The following ADCY10 variants were observed in gnomAD, a reference collection of about 807,000 sequenced individuals.
ADCY10 encodes adenylate cyclase 10.
Under a neutral mutation model 183.3 loss-of-function variants are expected in ADCY10, and 156 were observed. That is an observed-to-expected ratio of 0.85 (90% CI 0.75 to 0.97). The LOEUF is 0.97. ADCY10 is among the 50% of genes least tolerant of loss of function. The pLI is 0.00. For missense variants in ADCY10, 1,745 were observed against 1,934.3 expected, an observed-to-expected ratio of 0.90 and a Z score of 1.84; for synonymous variants, 645 against 670.0, an observed-to-expected ratio of 0.96 and a Z score of 0.58.
At chr1:167,815,157 A>C (rs998379848) in intron 31 of ADCY10, among the ~76,000 whole-genome samples, 2 of 152,010 alleles carry the variant, frequency 1.3e-5, no homozygotes, top group Non-Finnish European at 2.9e-5. Context: ...TAGACAAAAA[A>C]AAACCCCAAA....
At chr1:167,903,604 T>C (rs1669591707) in intron 3 of ADCY10, among the ~76,000 whole-genome samples, 1 of 152,176 alleles carries the variant, frequency 6.6e-6, no homozygotes. Flanking sequence ...CTTGGATATA[T>C]AACTAAAAGT....
chr1:167,901,597 A>G (rs1669426221), intron 5 of ADCY10, 65 bp downstream of exon 5: 1 of 1,501,288 alleles, frequency 6.7e-7, no homozygotes, highest in African/African-American at 1.4e-5. Flanking sequence ...TGGGAGAGAG[A>G]GATGCCCCAG....
intron 8 of ADCY10, 133 bp downstream of exon 8, chr1:167,893,720 G>T: frequency 5.2e-6 from 2 of 386,576 alleles, no homozygotes; most frequent in Non-Finnish European, 9.4e-6. Flanking sequence ...AAAAAAAAAA[G>T]GAAGTCTTTT....
At chr1:167,843,689 C>T (rs1664813498) in intron 21 of ADCY10, among the ~76,000 whole-genome samples, 1 of 152,152 alleles carries the variant, frequency 6.6e-6, no homozygotes, top group African/African-American at 2.4e-5. Flanking sequence ...ATGAGAAACC[C>T]TCACACATCC....
intron 16 of ADCY10, among the ~76,000 whole-genome samples, chr1:167,858,324 C>T (rs1247326737): frequency 6.6e-6 from 1 of 151,568 alleles, no homozygotes; most frequent in African/African-American, 2.4e-5. Flanking sequence ...ATACTGAAAC[C>T]CCATTTCTAC....
chr1:167,864,524 G>C (rs1006827558), intron 14 of ADCY10, among the ~76,000 whole-genome samples: 6 of 151,820 alleles, frequency 4.0e-5, no homozygotes, highest in South Asian at 2.1e-4. Context: ...GACCCCCTTC[G>C]CCCCCACAGT....
In ADCY10 at chr1:167,910,746, G is replaced by C. The variant is rs375530568; in HGVS notation, c.-59+3230C>G. On this transcript the variant is annotated intron_variant, in intron 1 of 32. Transcript: ENST00000367851. ...TCCACAGATGTGCTGAGTAGCCAGAGAACTAAGATAGGACTGAGCAGAACT... is the reference window on the plus strand; with the variant it reads ...TCCACAGATGTGCTGAGTAGCCAGACAACTAAGATAGGACTGAGCAGAACT... 7.7e-4 allele frequency among the ~76,000 whole-genome samples: 117 copies of C among 152,284 alleles called. 1 individual carries two copies. In the South Asian group the frequency reaches 0.022, roughly 29 times the overall value.
In ADCY10 at chr1:167,822,125, T is replaced by C; in HGVS notation, c.4185A>G (p.Thr1395=). ...GTATGAATTCCAAACATTCTTCAAA[T>C]GTTCTATAAACAAAACCTAAGAGAG... The part of the protein sequence containing the change: ...ILLYSGFVYR[T]FEECLEFIHQ... Residue 1395 remains threonine (T), a synonymous_variant, in exon 30 of 33, where the codon ACA becomes ACG. Transcript: ENST00000367851. The C allele has an allele frequency of 6.3e-7, 1 of 1,598,380 alleles. No homozygotes were observed. The highest frequency in any genetic ancestry group is 8.6e-7 in the Non-Finnish European group (1 of 1,165,556).
intron 14 of ADCY10, among the ~76,000 whole-genome samples, 187 bp downstream of exon 14, chr1:167,870,070 G>A (rs575360817): frequency 6.6e-6 from 1 of 152,270 alleles, no homozygotes; most frequent in Non-Finnish European, 1.5e-5. Flanking sequence ...CCATGGGTCA[G>A]CCCAGTTTCT....
At position 167,846,175 on chromosome 1, in the gene ADCY10, A is replaced by C; in HGVS notation, c.2526T>G (p.Thr842=). ...AGGGGAGAATCTCAAACAACAACTC[A>C]GTGGTGAAGGTCAGGCCAATGATGG... The part of the protein sequence containing the change: ...CAAIIGLTFT[T]ELLFEILPCW... Residue 842 remains threonine (T), a synonymous_variant, in exon 20 of 33, where the codon ACT becomes ACG. Coordinates refer to ENST00000367851, the MANE Select transcript of ADCY10 (RefSeq NM_018417.6). The C allele has an allele frequency of 1.9e-6, 3 of 1,614,178 alleles. No individual in the cohort carries two copies. The highest frequency in any genetic ancestry group is 2.5e-6 in the Non-Finnish European group (3 of 1,180,034).
At chr1:167,857,117 T>C (rs1449746247) in intron 16 of ADCY10, among the ~76,000 whole-genome samples, 1 of 152,224 alleles carries the variant, frequency 6.6e-6, no homozygotes, top group African/African-American at 2.4e-5. Context: ...ATACGGAGCC[T>C]ACATTTTAGC....
chr1:167,812,007 G>A (rs190410193), intron 31 of ADCY10, among the ~76,000 whole-genome samples: 11 of 152,312 alleles, frequency 7.2e-5, no homozygotes, highest in Admixed American at 5.2e-4. Flanking sequence ...TTCAGTTTCA[G>A]CTCTTAGCAC....
Position 167,836,523 on chromosome 1 carries a change from T to TC in ADCY10, c.3094dup (p.Glu1032GlyfsTer8), listed in dbSNP as rs774347252. On this transcript the variant is annotated frameshift_variant, in exon 23 of 33. Transcript: ENST00000367851. LOFTEE classifies it high-confidence loss of function. ...GTGGTCAAAGAAATTCAAGATCTTT[T>TC]CTCTTATTTCTTCAGGACTGTCCAT... 7 of 1,607,908 alleles carry TC rather than the reference T, an allele frequency of 4.4e-6. No homozygotes were observed. The highest frequency in any genetic ancestry group is 2.6e-6 in the Non-Finnish European group (3 of 1,174,406).
At chr1:167,854,558 C>A in intron 17 of ADCY10, 69 bp from the exon 18 acceptor site, 1 of 1,538,930 alleles carries the variant, frequency 6.5e-7, no homozygotes, top group South Asian at 1.1e-5. Flanking sequence ...ATATGTAAGT[C>A]TTCTCAATCA....
intron 20 of ADCY10, 25 bp from the exon 21 acceptor site, chr1:167,845,878 C>A: frequency 6.2e-7 from 1 of 1,614,080 alleles, no homozygotes; most frequent in Non-Finnish European, 8.5e-7. Flanking sequence ...AAGGGTTTTT[C>A]AGCCAGGCAG....
At position 167,836,441 on chromosome 1, in the gene ADCY10, C is replaced by T; in HGVS notation, c.3177G>A (p.Gln1059=). 1 of 1,614,122 alleles carries T rather than the reference C, an allele frequency of 6.2e-7. No individual in the cohort carries two copies. The highest frequency in any genetic ancestry group is 8.5e-7 in the Non-Finnish European group (1 of 1,179,954). ...TGACAATCTCTAGGATTTCTTCACACTGGCAAGATTCCAGAGGGATAATGT... is the reference window on the plus strand; with the variant it reads ...TGACAATCTCTAGGATTTCTTCACATTGGCAAGATTCCAGAGGGATAATGT... The part of the protein sequence containing the change: ...DEDIIPLESC[Q]CEEILEIVIL... Residue 1059 remains glutamine (Q), a synonymous_variant, in exon 23 of 33, where the codon CAG becomes CAA. Coordinates refer to ENST00000367851, the MANE Select transcript of ADCY10 (RefSeq NM_018417.6).
intron 18 of ADCY10, 99 bp from the exon 19 acceptor site, chr1:167,848,588 C>G: frequency 7.6e-7 from 1 of 1,320,464 alleles, no homozygotes. Context: ...ATGAGGAAGA[C>G]TGGGCAGAGA....
intron 14 of ADCY10, among the ~76,000 whole-genome samples, chr1:167,864,826 T>C (rs1210091313): frequency 6.7e-6 from 1 of 149,050 alleles, no homozygotes; most frequent in East Asian, 2.0e-4. Context: ...CTATCAAAAA[T>C]CCTTAACCCA....
chr1:167,856,112 C>T, intron 17 of ADCY10, 53 bp downstream of exon 17: 2 of 1,594,812 alleles, frequency 1.3e-6, no homozygotes. Context: ...GAAGTCTAGA[C>T]CGAGGGAATG....
Sources: allele counts gnomAD v4.1 joint callset (sites outside exome capture counted in the v4.1 genomes callset), GRCh38; gene constraint gnomAD v4.1.1; transcripts MANE v1.5; gene names NCBI Gene and HGNC (gene_info 2026-07-23, HGNC 2026-07-21).